The following LINGO2 variants were observed in gnomAD, a reference collection of about 807,000 sequenced individuals.
LINGO2 encodes leucine-rich repeat and immunoglobulin-like domain-containing nogo receptor-interacting protein 2.
A neutral mutation model predicts 30.6 loss-of-function variants in LINGO2; 14 were observed. The ratio of observed to expected loss-of-function variants is 0.46; its 90% CI spans 0.30 to 0.72. LINGO2 has a LOEUF of 0.72. Among genes scored for constraint, LINGO2 ranks in the 30% least tolerant of loss-of-function variants. The probability of loss-of-function intolerance (pLI) is 0.07; values close to 1 mark genes in which losing one functional copy is unlikely to be tolerated. For missense variants in LINGO2, 729 were observed against 751.7 expected (o/e 0.97, Z 0.35); for synonymous variants, 317 against 288.5 (o/e 1.10, Z -1.00).
chr9:28,033,813 G>T (rs1316968795), intron 4 of LINGO2, among the ~76,000 whole-genome samples: 1 of 152,206 alleles, frequency 6.6e-6, no homozygotes, highest in African/African-American at 2.4e-5. Context: ...TTCAGTGAGA[G>T]TTTGAAGTGA....
At chr9:29,128,394 C>A in the LINGO2 span, among the ~76,000 whole-genome samples, 2 of 152,026 alleles carry the variant, frequency 1.3e-5, no homozygotes, top group Non-Finnish European at 2.9e-5. Context: ...TCCTCAACCA[C>A]TGGAATCAAT....
At chr9:29,071,154 T>TTATTGTATTGTATTGTATTGTATTG in the LINGO2 span, among the ~76,000 whole-genome samples, 21 of 137,776 alleles carry the variant, frequency 1.5e-4, no homozygotes, top group African/African-American at 4.3e-4. Context: ...TCACAGAGAA[T>TTATTGTATTGTATTGTATTGTATTG]TATTGTATTG....
the LINGO2 span, among the ~76,000 whole-genome samples, chr9:28,861,136 A>T: frequency 4.4e-5 from 5 of 113,120 alleles, no homozygotes; most frequent in Admixed American, 1.1e-4. Flanking sequence ...AATTATATAA[A>T]TTTTTATATA....
At chr9:28,605,661 C>G (rs1825666479) in intron 1 of LINGO2, among the ~76,000 whole-genome samples, 1 of 152,020 alleles carries the variant, frequency 6.6e-6, no homozygotes, top group African/African-American at 2.4e-5. Flanking sequence ...CTTCTTCTTC[C>G]TCACAAGCTG....
At chr9:28,536,799 T>A (rs1197033003) in intron 1 of LINGO2, among the ~76,000 whole-genome samples, 1 of 152,046 alleles carries the variant, frequency 6.6e-6, no homozygotes, top group Non-Finnish European at 1.5e-5. Flanking sequence ...TGGGGAAAAA[T>A]TCTGAGATTC....
At chr9:28,345,797 T>C (rs1169147638) in intron 3 of LINGO2, among the ~76,000 whole-genome samples, 6 of 152,154 alleles carry the variant, frequency 3.9e-5, no homozygotes, top group Admixed American at 3.3e-4. Flanking sequence ...TCTATGACTC[T>C]TGAGACTGTC....
chr9:28,430,102 G>GCA (rs1554720061), intron 2 of LINGO2, among the ~76,000 whole-genome samples: 5,499 of 51,934 alleles, frequency 0.11, 342 homozygotes, highest in African/African-American at 0.26. Context: ...TTCCACGCGC[G>GCA]CGCGCGCGTG....
the LINGO2 span, among the ~76,000 whole-genome samples, chr9:29,178,408 T>C: frequency 6.6e-6 from 1 of 152,132 alleles, no homozygotes; most frequent in African/African-American, 2.4e-5. Context: ...TACATTCATA[T>C]ATTTATCTAT....
the LINGO2 span, among the ~76,000 whole-genome samples, chr9:28,939,238 C>A: frequency 6.6e-6 from 1 of 152,086 alleles, no homozygotes; most frequent in Non-Finnish European, 1.5e-5. Context: ...ACGAAGAGAA[C>A]AGCCACTCCT....
At chr9:29,126,982 A>T in the LINGO2 span, among the ~76,000 whole-genome samples, 1 of 152,112 alleles carries the variant, frequency 6.6e-6, no homozygotes, top group Non-Finnish European at 1.5e-5. Context: ...AGAACCAGTC[A>T]GACTGGTCAT....
intron 4 of LINGO2, among the ~76,000 whole-genome samples, chr9:28,280,532 AT>A (rs1823283312): frequency 6.6e-6 from 1 of 152,150 alleles, no homozygotes; most frequent in Non-Finnish European, 1.5e-5. Flanking sequence ...TCTTTGTGTG[AT>A]TTCCTTTAGG....
intron 4 of LINGO2, among the ~76,000 whole-genome samples, chr9:28,046,591 G>A (rs1406519575): frequency 6.6e-6 from 1 of 152,160 alleles, no homozygotes; most frequent in Admixed American, 6.5e-5. Flanking sequence ...TTTTACTGTT[G>A]GACTGGCTAA....
chr9:28,939,100 G>A, the LINGO2 span, among the ~76,000 whole-genome samples: 1 of 152,106 alleles, frequency 6.6e-6, no homozygotes, highest in East Asian at 1.9e-4. Context: ...ATAGCTCCCT[G>A]AGAACACATA....
At chr9:28,461,227 C>T (rs1240630465) in intron 2 of LINGO2, among the ~76,000 whole-genome samples, 1 of 152,064 alleles carries the variant, frequency 6.6e-6, no homozygotes, top group African/African-American at 2.4e-5. Flanking sequence ...CTTTTTGAAA[C>T]ATATTATACA....
intron 3 of LINGO2, among the ~76,000 whole-genome samples, chr9:28,312,155 C>CTTTTTTTTTTTTTTTTT (rs72304845): frequency 7.0e-6 from 1 of 143,260 alleles, no homozygotes; most frequent in African/African-American, 2.5e-5. Context: ...TTTCTTTTTT[C>CTTTTTTTTTTTTTTTTT]TTTTTTTTGT....
At chr9:28,523,890 T>C (rs1052945664) in intron 1 of LINGO2, among the ~76,000 whole-genome samples, 1 of 151,446 alleles carries the variant, frequency 6.6e-6, no homozygotes, top group Non-Finnish European at 1.5e-5. Flanking sequence ...GGAAACACAG[T>C]TGGCTTTTTT....
chr9:28,171,975 G>C (rs1178322882), intron 4 of LINGO2, among the ~76,000 whole-genome samples: 1 of 114,498 alleles, frequency 8.7e-6, no homozygotes, highest in Non-Finnish European at 1.6e-5. Flanking sequence ...CCGAGATCAC[G>C]CCACTGCACT....
At chr9:28,137,425 G>A (rs575683284) in intron 4 of LINGO2, among the ~76,000 whole-genome samples, 34 of 152,144 alleles carry the variant, frequency 2.2e-4, no homozygotes, top group African/African-American at 8.0e-4. Flanking sequence ...ACCTGCTCTA[G>A]AGAAATTAAA....
At chr9:28,843,004 T>C in the LINGO2 span, among the ~76,000 whole-genome samples, 44 of 151,918 alleles carry the variant, frequency 2.9e-4, 3 homozygotes, top group African/African-American at 9.9e-4. Flanking sequence ...ATACAATGGG[T>C]GATTTTTTTA....
Sources: gnomAD v4.1 joint callset for allele counts (sites outside exome capture counted in the v4.1 genomes callset) on GRCh38, gnomAD v4.1.1 for gene constraint, MANE v1.5 for transcripts, NCBI Gene and HGNC (gene_info 2026-07-23, HGNC 2026-07-21) for gene names.